The following HS3ST5 variants were observed in gnomAD, a reference collection of about 807,000 sequenced individuals.
The protein encoded by HS3ST5 is heparan sulfate glucosamine 3-O-sulfotransferase 5.
HS3ST5 carries 10 observed loss-of-function variants against 25.4 expected under a neutral mutation model. The observed-to-expected ratio is 0.39, with a 90% CI of 0.24 to 0.67. The LOEUF is 0.67. HS3ST5 is among the 30% of genes least tolerant of loss of function. The pLI is 0.44. For synonymous variants in HS3ST5, 170 were observed against 162.4 expected, an observed-to-expected ratio of 1.05 and a Z score of -0.36; for missense variants, 324 against 420.7, an observed-to-expected ratio of 0.77 and a Z score of 2.01.
At chr6:114,091,614 G>T (rs1211716934) in intron 3 of HS3ST5, among the ~76,000 whole-genome samples, 2 of 151,946 alleles carry the variant, frequency 1.3e-5, no homozygotes. Flanking sequence ...AACCCGGGAG[G>T]CAGAGCTTGC....
chr6:114,325,690 A>G (rs895150726), intron 1 of HS3ST5, among the ~76,000 whole-genome samples: 5 of 152,168 alleles, frequency 3.3e-5, no homozygotes, highest in Non-Finnish European at 7.4e-5. Context: ...AAAGGGAAAA[A>G]CAAACCCACT....
intron 3 of HS3ST5, among the ~76,000 whole-genome samples, chr6:114,106,106 C>T (rs1331433448): frequency 6.6e-6 from 1 of 152,044 alleles, no homozygotes; most frequent in Non-Finnish European, 1.5e-5. Context: ...GAAAACACTA[C>T]ACTTGTAATT....
At chr6:114,085,594 C>T (rs1774751016) in intron 3 of HS3ST5, among the ~76,000 whole-genome samples, 1 of 152,190 alleles carries the variant, frequency 6.6e-6, no homozygotes, top group Non-Finnish European at 1.5e-5. Context: ...GGCTGTATCT[C>T]ACAGCTGGTC....
At chr6:114,092,000 C>T (rs1414768144) in intron 3 of HS3ST5, among the ~76,000 whole-genome samples, 2 of 152,180 alleles carry the variant, frequency 1.3e-5, no homozygotes, top group Admixed American at 1.3e-4. Flanking sequence ...CACTCTCAAA[C>T]TCTCACTCAG....
intron 3 of HS3ST5, among the ~76,000 whole-genome samples, chr6:114,087,652 T>C (rs1035234069): frequency 7.2e-5 from 11 of 152,240 alleles, no homozygotes; most frequent in African/African-American, 2.7e-4. Flanking sequence ...AGAATAGTTC[T>C]ATTTTTTTAA....
At chr6:114,313,788 T>C (rs1775635298) in intron 1 of HS3ST5, among the ~76,000 whole-genome samples, 1 of 152,194 alleles carries the variant, frequency 6.6e-6, no homozygotes, top group Non-Finnish European at 1.5e-5. Flanking sequence ...AATAGGTGCA[T>C]TTATTGTATG....
intron 1 of HS3ST5, among the ~76,000 whole-genome samples, chr6:114,239,733 A>G (rs1166738929): frequency 6.6e-6 from 1 of 152,164 alleles, no homozygotes. Context: ...TGAGAGCTGT[A>G]TCTGAAAGAC....
At chr6:114,076,696 T>A (rs1451295986) in intron 3 of HS3ST5, among the ~76,000 whole-genome samples, 1 of 152,182 alleles carries the variant, frequency 6.6e-6, no homozygotes, top group African/African-American at 2.4e-5. Context: ...TCGTTTTCCT[T>A]CTGTAATAAT....
At position 114,261,691 on chromosome 6, in the gene HS3ST5, G is replaced by C. The variant is rs140561260; in HGVS notation, c.-338-32913C>G. 1.1e-3 allele frequency among the ~76,000 whole-genome samples: 174 copies of C among 152,306 alleles called. 1 individual carries two copies. Among genetic ancestry groups the C allele is most frequent in the African/African-American group, 4.1e-3 (169 of 41,560 alleles). ...CAGTATAGTTTATTGCTAAATGAGT[G>C]TAAATTCTTAACTATTGATTAATAT... is the stretch of plus-strand genomic sequence containing the variant. On this transcript the variant is annotated intron_variant, in intron 1 of 4. Coordinates refer to ENST00000312719, the MANE Select transcript of HS3ST5 (RefSeq NM_153612.4).
At chr6:114,134,850 T>C (rs1046819572) in intron 3 of HS3ST5, among the ~76,000 whole-genome samples, 9 of 152,224 alleles carry the variant, frequency 5.9e-5, no homozygotes, top group Non-Finnish European at 1.3e-4. Context: ...TGAAATTTTG[T>C]GTGCATTTCA....
At chr6:114,219,338 G>T (rs962192685) in intron 2 of HS3ST5, among the ~76,000 whole-genome samples, 1 of 152,208 alleles carries the variant, frequency 6.6e-6, no homozygotes, top group Non-Finnish European at 1.5e-5. Flanking sequence ...GGTTTACGTA[G>T]AGGGGACGTG....
chr6:114,215,454 C>A (rs1781710476), intron 2 of HS3ST5, among the ~76,000 whole-genome samples: 1 of 152,086 alleles, frequency 6.6e-6, no homozygotes, highest in Non-Finnish European at 1.5e-5. Context: ...TGCCTTAAAC[C>A]AGGGTGTCAA....
At chr6:114,320,307 C>G (rs1483858574) in intron 1 of HS3ST5, among the ~76,000 whole-genome samples, 1 of 152,122 alleles carries the variant, frequency 6.6e-6, no homozygotes. Flanking sequence ...AATTTCTAAA[C>G]TTAGACTCTA....
chr6:114,174,860 G>T (rs949440157), intron 2 of HS3ST5, among the ~76,000 whole-genome samples: 3 of 152,098 alleles, frequency 2.0e-5, no homozygotes, highest in Non-Finnish European at 4.4e-5. Flanking sequence ...GGGCATGGTG[G>T]CTTGCATCTG....
intron 1 of HS3ST5, among the ~76,000 whole-genome samples, chr6:114,325,921 A>C (rs1776154836): frequency 6.6e-6 from 1 of 152,218 alleles, no homozygotes; most frequent in Non-Finnish European, 1.5e-5. Context: ...GTGCCAGGCA[A>C]TATTTTAGCA....
In HS3ST5 at chr6:114,152,974, T is replaced by C. The variant is rs138504441; in HGVS notation, c.-33+15377A>G. Among the ~76,000 whole-genome samples the C allele has an allele frequency of 1.4e-3, 208 of 152,328 alleles. 4 individuals are homozygous for C. The highest frequency in any genetic ancestry group is 0.012 in the East Asian group (63 of 5,184). On this transcript the variant is annotated intron_variant, in intron 3 of 4. Transcript: ENST00000312719. ...TGCTCTTTATTTTGCTTTGGGCTAG[T>C]CCTAGTCTTTCTCTCAGCCCTCACA...
intron 3 of HS3ST5, among the ~76,000 whole-genome samples, chr6:114,095,351 ACC>A (rs1775366121): frequency 6.6e-6 from 1 of 152,072 alleles, no homozygotes; most frequent in African/African-American, 2.4e-5. Context: ...CTACCTTTCA[ACC>A]AGTTATTCTT....
intron 3 of HS3ST5, among the ~76,000 whole-genome samples, chr6:114,115,044 A>G (rs1246015035): frequency 6.6e-6 from 1 of 152,150 alleles, no homozygotes; most frequent in Non-Finnish European, 1.5e-5. Flanking sequence ...GCTATGTACA[A>G]TGTGGAATCT....
intron 3 of HS3ST5, among the ~76,000 whole-genome samples, chr6:114,072,500 T>C (rs549440119): frequency 2.5e-4 from 38 of 152,274 alleles, no homozygotes; most frequent in Non-Finnish European, 4.9e-4. Flanking sequence ...ACTCCTTATT[T>C]CCTAATTATC....
Sources: gnomAD v4.1 joint callset for allele counts (sites outside exome capture counted in the v4.1 genomes callset) on GRCh38, gnomAD v4.1.1 for gene constraint, MANE v1.5 for transcripts, NCBI Gene and HGNC (gene_info 2026-07-23, HGNC 2026-07-21) for gene names.